The following IQCM variants were observed in gnomAD, a reference collection of about 807,000 sequenced individuals.
IQCM encodes the protein IQ motif containing M, also known as IQ domain-containing protein M.
Under a neutral mutation model 57.6 loss-of-function variants are expected in IQCM, and 45 were observed. The ratio of observed to expected loss-of-function variants is 0.78; its 90% CI spans 0.62 to 1.00. The LOEUF (loss-of-function observed/expected upper bound fraction) is 1.00, where lower values mean the gene tolerates loss of function less well. Ranked by LOEUF, IQCM falls within the 50% of genes least tolerant of loss-of-function variation. The probability of loss-of-function intolerance (pLI) is 0.00; values close to 1 mark genes in which losing one functional copy is unlikely to be tolerated. For missense variants in IQCM, 468 were observed against 511.6 expected (o/e 0.91, Z 0.82); for synonymous variants, 148 against 158.9 (o/e 0.93, Z 0.51).
At chr4:149,491,297 C>G (rs901650336) in intron 12 of IQCM, among the ~76,000 whole-genome samples, 1 of 152,048 alleles carries the variant, frequency 6.6e-6, no homozygotes, top group Non-Finnish European at 1.5e-5. Context: ...GGTGAGAACA[C>G]TTAAAATTAT....
chr4:149,572,663 C>G (rs1503704), intron 9 of IQCM, among the ~76,000 whole-genome samples: 3 of 151,828 alleles, frequency 2.0e-5, no homozygotes, highest in Admixed American at 1.3e-4. Context: ...ACAACCAGAG[C>G]GCCTTGAAGG....
chr4:149,466,315 T>C (rs1490681248), intron 12 of IQCM, among the ~76,000 whole-genome samples: 1 of 152,078 alleles, frequency 6.6e-6, no homozygotes, highest in African/African-American at 2.4e-5. Flanking sequence ...GGTCTAACAA[T>C]AACAATAATA....
chr4:149,681,334 C>T lies in IQCM; in HGVS notation c.565+784G>A, dbSNP rs548619437. Among the ~76,000 whole-genome samples, 13 of 151,292 alleles carry T rather than the reference C, an allele frequency of 8.6e-5. No homozygotes were observed. In the East Asian group the frequency reaches 1.8e-3, roughly 20 times the overall value. On this transcript the variant is annotated intron_variant, in intron 7 of 13. Transcript: ENST00000636793. Reference sequence around the variant, plus strand: ...GAATTTAAGCTCTGAACCAATGTAACAATCAAAATTGTAAAATACATCTAT... The same window carrying T: ...GAATTTAAGCTCTGAACCAATGTAATAATCAAAATTGTAAAATACATCTAT...
intron 12 of IQCM, among the ~76,000 whole-genome samples, chr4:149,481,709 T>TTTTTGTTTTTTGTTTTTTTTG (rs1560896039): frequency 7.5e-6 from 1 of 133,058 alleles, no homozygotes; most frequent in African/African-American, 2.7e-5. Context: ...TTGTTTTTTT[T>TTTTTGTTTTTTGTTTTTTTTG]TTTTTTTTTT....
chr4:149,580,703 T>C (rs1052763558), intron 9 of IQCM, among the ~76,000 whole-genome samples: 1 of 151,666 alleles, frequency 6.6e-6, no homozygotes, highest in Non-Finnish European at 1.5e-5. Context: ...TAGAAAAGGA[T>C]GGGAAAACTA....
chr4:149,656,996 C>A (rs1188601222), intron 7 of IQCM, among the ~76,000 whole-genome samples: 2 of 152,102 alleles, frequency 1.3e-5, no homozygotes, highest in Non-Finnish European at 2.9e-5. Context: ...TGCTCTTCAA[C>A]ATTTATGGCA....
intron 5 of IQCM, among the ~76,000 whole-genome samples, chr4:149,698,148 A>G (rs10520036): frequency 0.24 from 36,301 of 151,562 alleles, 4,942 homozygotes; most frequent in Non-Finnish European, 0.29. Flanking sequence ...AATAATTATC[A>G]TCCTCAATTC....
At chr4:149,737,250 G>C (rs561130350) in intron 3 of IQCM, among the ~76,000 whole-genome samples, 81 of 152,120 alleles carry the variant, frequency 5.3e-4, no homozygotes, top group Non-Finnish European at 1.1e-3. Flanking sequence ...TATTTTGATA[G>C]GAATTTGGAT....
chr4:149,654,154 G>A (rs1241826849), intron 7 of IQCM, among the ~76,000 whole-genome samples: 2 of 152,168 alleles, frequency 1.3e-5, no homozygotes, highest in African/African-American at 2.4e-5. Context: ...CAGCTAGTAA[G>A]TGGATATGTA....
At chr4:149,579,399 A>G (rs957032910) in intron 9 of IQCM, among the ~76,000 whole-genome samples, 1 of 151,874 alleles carries the variant, frequency 6.6e-6, no homozygotes, top group Admixed American at 6.6e-5. Flanking sequence ...ACTCAGGTTT[A>G]CCAGAGAGCC....
At chr4:149,771,110 T>C (rs1486782616) in intron 2 of IQCM, among the ~76,000 whole-genome samples, 1 of 152,082 alleles carries the variant, frequency 6.6e-6, no homozygotes, top group Non-Finnish European at 1.5e-5. Flanking sequence ...CAAGAATGTT[T>C]ATTAGCAGTT....
chr4:149,575,987 G>A (rs570570253), intron 9 of IQCM, among the ~76,000 whole-genome samples: 6 of 151,812 alleles, frequency 4.0e-5, no homozygotes, highest in African/African-American at 1.4e-4. Flanking sequence ...TCCAAATTCA[G>A]TTCAAAAAAC....
At chr4:149,727,200 C>T (rs1766029791) in intron 5 of IQCM, among the ~76,000 whole-genome samples, 2 of 152,174 alleles carry the variant, frequency 1.3e-5, no homozygotes, top group African/African-American at 2.4e-5. Context: ...CATGAGTCTG[C>T]ACTTACTTAT....
At chr4:149,568,328 C>A (rs766413563) in intron 9 of IQCM, among the ~76,000 whole-genome samples, 1 of 152,132 alleles carries the variant, frequency 6.6e-6, no homozygotes, top group Non-Finnish European at 1.5e-5. Flanking sequence ...AGGGTCATGT[C>A]TTTTCCTTGA....
At chr4:149,773,302 A>G (rs553569503) in intron 2 of IQCM, among the ~76,000 whole-genome samples, 1 of 152,086 alleles carries the variant, frequency 6.6e-6, no homozygotes, top group Admixed American at 6.5e-5. Flanking sequence ...CAGTGAGCCA[A>G]GATGGTGCCA....
rs1733713703 is a variant in IQCM at position 149,415,902 on chromosome 4, T to TG, written c.1390+17493dup. Among the ~76,000 whole-genome samples, 3 of 151,880 alleles carry TG rather than the reference T, an allele frequency of 2.0e-5. No homozygotes were observed. In the South Asian group the frequency reaches 6.2e-4, roughly 31 times the overall value. On this transcript the variant is annotated intron_variant, in intron 13 of 13. Transcript: ENST00000636793. ...GAACATCACACACTGGGGCCTGTCGTGGGGTGGAGGGAGGTGGGAGGGATA... is the reference window on the plus strand; with the variant it reads ...GAACATCACACACTGGGGCCTGTCGTGGGGGTGGAGGGAGGTGGGAGGGATA...
chr4:149,732,914 C>T (rs900762472), intron 5 of IQCM, among the ~76,000 whole-genome samples: 1 of 152,268 alleles, frequency 6.6e-6, no homozygotes. Flanking sequence ...TGCTCAAAAA[C>T]AGAATTCAGG....
At chr4:149,393,470 A>G (rs1484475342) in intron 13 of IQCM, among the ~76,000 whole-genome samples, 1 of 151,908 alleles carries the variant, frequency 6.6e-6, no homozygotes, top group African/African-American at 2.4e-5. Flanking sequence ...ATATAATGGA[A>G]AAGATAAAAT....
intron 2 of IQCM, among the ~76,000 whole-genome samples, chr4:149,791,497 T>A (rs1184516830): frequency 6.6e-6 from 1 of 152,166 alleles, no homozygotes; most frequent in Non-Finnish European, 1.5e-5. Flanking sequence ...GTTGCCCTAT[T>A]GTGCTACCAA....
Sources: gnomAD v4.1 joint callset for allele counts (sites outside exome capture counted in the v4.1 genomes callset) on GRCh38, gnomAD v4.1.1 for gene constraint, MANE v1.5 for transcripts, NCBI Gene and HGNC (gene_info 2026-07-23, HGNC 2026-07-21) for gene names.